The following SYT1 variants were observed in gnomAD, a reference collection of about 807,000 sequenced individuals.
SYT1 encodes synaptotagmin 1, also known as synaptotagmin-1.
SYT1 carries 8 observed loss-of-function variants against 44.8 expected under a neutral mutation model. The ratio of observed to expected loss-of-function variants is 0.18; its 90% CI spans 0.10 to 0.32. The LOEUF (loss-of-function observed/expected upper bound fraction) is 0.32, where lower values mean the gene tolerates loss of function less well. SYT1 is among the 10% of genes least tolerant of loss of function. The pLI is 1.00. For synonymous variants in SYT1, 154 were observed against 188.8 expected, an observed-to-expected ratio of 0.82 and a Z score of 1.51; for missense variants, 286 against 509.3, an observed-to-expected ratio of 0.56 and a Z score of 4.22.
intron 1 of SYT1, among the ~76,000 whole-genome samples, chr12:78,906,589 G>C (rs11111853): frequency 1.3e-5 from 2 of 152,088 alleles, no homozygotes; most frequent in Non-Finnish European, 2.9e-5. Flanking sequence ...AAATTCATGC[G>C]ACAGCATTCA....
At chr12:78,947,969 A>C (rs921442215) in intron 1 of SYT1, among the ~76,000 whole-genome samples, 6 of 151,996 alleles carry the variant, frequency 3.9e-5, no homozygotes, top group Non-Finnish European at 5.9e-5. Context: ...CCAGCTATAG[A>C]TTTCAAGTTC....
chr12:79,233,495 A>G (rs891281079), intron 4 of SYT1, among the ~76,000 whole-genome samples: 1 of 152,224 alleles, frequency 6.6e-6, no homozygotes, highest in Non-Finnish European at 1.5e-5. Context: ...AAAGCACAGC[A>G]GTTCCTCTTT....
intron 1 of SYT1, among the ~76,000 whole-genome samples, chr12:78,935,225 G>T (rs1483322729): frequency 6.6e-6 from 1 of 152,136 alleles, no homozygotes; most frequent in Non-Finnish European, 1.5e-5. Context: ...AGCACTGATT[G>T]CATTTTCCAT....
At chr12:79,097,267 C>G (rs1878188527) in intron 3 of SYT1, among the ~76,000 whole-genome samples, 2 of 152,080 alleles carry the variant, frequency 1.3e-5, no homozygotes, top group African/African-American at 2.4e-5. Context: ...GGTATATTCC[C>G]TTACTGCAGT....
intron 3 of SYT1, among the ~76,000 whole-genome samples, chr12:79,129,823 T>C (rs1038598430): frequency 2.0e-5 from 3 of 152,160 alleles, no homozygotes; most frequent in African/African-American, 4.8e-5. Context: ...AGTATAAATG[T>C]ATAAAATTCC....
intron 8 of SYT1, among the ~76,000 whole-genome samples, chr12:79,326,647 T>A (rs1267116927): frequency 2.6e-5 from 4 of 152,224 alleles, no homozygotes; most frequent in Non-Finnish European, 5.9e-5. Context: ...TGATTTCAAG[T>A]GTCTTTCAAC....
intron 2 of SYT1, among the ~76,000 whole-genome samples, chr12:79,009,600 C>T (rs1002187297): frequency 2.6e-5 from 4 of 152,106 alleles, no homozygotes; most frequent in Non-Finnish European, 4.4e-5. Flanking sequence ...TAATTATCCC[C>T]GTTTTACTGA....
chr12:78,980,464 T>A (rs1869166189), intron 2 of SYT1, among the ~76,000 whole-genome samples: 1 of 152,222 alleles, frequency 6.6e-6, no homozygotes, highest in Non-Finnish European at 1.5e-5. Context: ...TTCATAAGAA[T>A]CATTTTATGT....
At chr12:79,146,540 A>G (rs2138239126) in intron 3 of SYT1, among the ~76,000 whole-genome samples, 1 of 152,284 alleles carries the variant, frequency 6.6e-6, no homozygotes, top group South Asian at 2.1e-4. Context: ...CCTTAACCCA[A>G]ACTTCCAGTT....
At chr12:79,032,117 T>G (rs1484817696) in intron 2 of SYT1, among the ~76,000 whole-genome samples, 1 of 151,190 alleles carries the variant, frequency 6.6e-6, no homozygotes, top group East Asian at 1.9e-4. Flanking sequence ...ACCACCAGAT[T>G]GGCAAGGTAA....
At chr12:79,306,609 A>C (rs1592948741) in intron 8 of SYT1, among the ~76,000 whole-genome samples, 1 of 152,356 alleles carries the variant, frequency 6.6e-6, no homozygotes, top group Admixed American at 6.5e-5. Flanking sequence ...AATTCTCATT[A>C]GGAGATATAA....
At chr12:78,913,582 C>A (rs1876469810) in intron 1 of SYT1, among the ~76,000 whole-genome samples, 1 of 151,728 alleles carries the variant, frequency 6.6e-6, no homozygotes, top group South Asian at 2.1e-4. Context: ...TTATAAAATG[C>A]AGAATTCCTC....
chr12:79,095,922 C>A (rs1018586873), intron 3 of SYT1, among the ~76,000 whole-genome samples: 2 of 151,826 alleles, frequency 1.3e-5, no homozygotes, highest in African/African-American at 4.8e-5. Context: ...GCATGAGAGT[C>A]ACACAAAATA....
chr12:79,146,460 T>C (rs1869920059), intron 3 of SYT1, among the ~76,000 whole-genome samples: 1 of 152,192 alleles, frequency 6.6e-6, no homozygotes, highest in African/African-American at 2.4e-5. Context: ...CAGATAATTA[T>C]GAAAGTTTTA....
chr12:79,050,129 G>A (rs1364428929), intron 3 of SYT1, among the ~76,000 whole-genome samples: 2 of 151,594 alleles, frequency 1.3e-5, no homozygotes, highest in East Asian at 2.0e-4. Flanking sequence ...ATAAATAGTT[G>A]ATTAATTCTT....
chr12:78,947,744 A>C (rs1419141739), intron 1 of SYT1, among the ~76,000 whole-genome samples: 1 of 151,884 alleles, frequency 6.6e-6, no homozygotes, highest in Admixed American at 6.6e-5. Context: ...ATAACTATTT[A>C]GGTTATTTTA....
chr12:79,000,224 C>T (rs1870641818), intron 2 of SYT1, among the ~76,000 whole-genome samples: 2 of 151,352 alleles, frequency 1.3e-5, no homozygotes, highest in African/African-American at 4.9e-5. Context: ...AAACAAAATA[C>T]CTCCCTTGCT....
intron 8 of SYT1, among the ~76,000 whole-genome samples, chr12:79,306,635 G>T (rs1404558531): frequency 6.6e-6 from 1 of 152,186 alleles, no homozygotes; most frequent in African/African-American, 2.4e-5. Context: ...GATACACATA[G>T]TACCAAGAAA....
At chr12:79,226,878 A>G (rs975092761) in intron 4 of SYT1, among the ~76,000 whole-genome samples, 1 of 152,172 alleles carries the variant, frequency 6.6e-6, no homozygotes, top group Non-Finnish European at 1.5e-5. Flanking sequence ...CAAAAATAAA[A>G]CACATCCTTA....
Sources: allele counts gnomAD v4.1 joint callset (sites outside exome capture counted in the v4.1 genomes callset), GRCh38; gene constraint gnomAD v4.1.1; transcripts MANE v1.5; gene names NCBI Gene and HGNC (gene_info 2026-07-23, HGNC 2026-07-21).